The following PLCH2 variants were observed in gnomAD, a reference collection of about 807,000 sequenced individuals.
PLCH2 encodes the protein 1-phosphatidylinositol 4,5-bisphosphate phosphodiesterase eta-2.
PLCH2 carries 98 observed loss-of-function variants against 134.7 expected under a neutral mutation model. The observed-to-expected ratio is 0.73, with a 90% CI of 0.62 to 0.86. The LOEUF (loss-of-function observed/expected upper bound fraction) is 0.86. Among genes scored for constraint, PLCH2 ranks in the 40% least tolerant of loss-of-function variants. The pLI, the probability that PLCH2 is intolerant of heterozygous loss-of-function variation, is 0.00. For missense variants in PLCH2, 1,994 were observed against 1,986.6 expected, an observed-to-expected ratio of 1.00 and a Z score of -0.07; for synonymous variants, 974 against 827.5, an observed-to-expected ratio of 1.18 and a Z score of -3.04.
rs1397572777 is a variant in PLCH2 at position 2,499,065 on chromosome 1, C to T, written c.2435-19C>T. ...CGGGCCCTCCCCATGGGACACTCCT[C>T]CTGGCGCTGCTTCCCCAGGGTTCAA... is the stretch of plus-strand genomic sequence containing the variant. On this transcript the variant is annotated intron_variant, in intron 18 of 21. Coordinates refer to ENST00000378486, the MANE Select transcript of PLCH2 (RefSeq NM_014638.4). 1.9e-6 allele frequency: 3 copies of T among 1,601,190 alleles called. No homozygotes were observed. The highest frequency in any genetic ancestry group is 2.7e-5 in the African/African-American group (2 of 74,680).
intron 2 of PLCH2, among the ~76,000 whole-genome samples, chr1:2,452,502 GCC>G (rs1217126114): frequency 6.6e-6 from 1 of 152,194 alleles, no homozygotes; most frequent in South Asian, 2.1e-4. Context: ...TTTGGGAGCG[GCC>G]ACCGTGAGCA....
chr1:2,463,265 C>T (rs1012017852), upstream of PLCH2, among the ~76,000 whole-genome samples: 1 of 152,192 alleles, frequency 6.6e-6, no homozygotes, highest in Non-Finnish European at 1.5e-5. Context: ...GAGTCCCCTG[C>T]CTCAGTTTCC....
intron 2 of PLCH2, among the ~76,000 whole-genome samples, chr1:2,433,483 C>T (rs551104396): frequency 7.3e-5 from 11 of 151,338 alleles, no homozygotes; most frequent in African/African-American, 2.2e-4. Flanking sequence ...TATGTGTCCC[C>T]GCCATTCTCA....
chr1:2,451,965 A>G (rs1235190081), intron 2 of PLCH2, among the ~76,000 whole-genome samples: 1 of 152,206 alleles, frequency 6.6e-6, no homozygotes, highest in African/African-American at 2.4e-5. Flanking sequence ...CATCCTTCAG[A>G]AATGCCAACC....
intron 21 of PLCH2, chr1:2,503,694 C>A: frequency 3.1e-6 from 2 of 651,234 alleles, no homozygotes; most frequent in Non-Finnish European, 5.6e-6. Flanking sequence ...CAAGGAGGGC[C>A]CCGTGTGCGG....
intron 2 of PLCH2, chr1:2,479,512 A>C: frequency 1.9e-6 from 1 of 517,680 alleles, no homozygotes; most frequent in African/African-American, 1.9e-5. Flanking sequence ...TCTTTTCCAC[A>C]GGAAAGGGAA....
intron 11 of PLCH2, chr1:2,494,569 CAT>C (rs1211713742): frequency 8.2e-5 from 45 of 548,636 alleles, no homozygotes; most frequent in Middle Eastern, 9.8e-4. Context: ...TAAAACAACA[CAT>C]GAGAGACGCT....
In PLCH2 at chr1:2,439,500, G is replaced by A. The variant is rs374320112; in HGVS notation, c.115+8871G>A. On this transcript the variant is annotated intron_variant, in intron 2 of 3. Transcript: ENST00000609981. The surrounding 1 kb of genome is among the most constrained non-coding windows in gnomAD (Gnocchi z 4.7). ...GGACGTCTTCAGACCAGATGCTGGT[G>A]GAAAATGAAACACACACTTTCTAAA... 2.5e-4 allele frequency among the ~76,000 whole-genome samples: 38 copies of A among 152,348 alleles called. No homozygotes were observed. In the East Asian group the frequency reaches 5.6e-3, roughly 22 times the overall value.
rs573995200 is a variant in PLCH2 at position 2,454,749 on chromosome 1, G to A, written c.116-23727G>A. On this transcript the variant is annotated intron_variant, in intron 2 of 3. Coordinates refer to the PLCH2 transcript ENST00000609981. ...TTCCCTGAGAGCAGCGCCCTGGCTCGGCCCCTCGGTGTCCTGGCCCTTGCA... is the reference window on the plus strand; with the variant it reads ...TTCCCTGAGAGCAGCGCCCTGGCTCAGCCCCTCGGTGTCCTGGCCCTTGCA... Among the ~76,000 whole-genome samples, 98 of 152,296 alleles carry A rather than the reference G, an allele frequency of 6.4e-4. 1 individual carries two copies. The Middle Eastern group carries it at 0.024, about 37-fold the overall frequency.
At chr1:2,480,373 T>C in intron 4 of PLCH2, 61 bp downstream of exon 4, 9 of 1,566,144 alleles carry the variant, frequency 5.7e-6, no homozygotes, top group Non-Finnish European at 7.0e-6. Context: ...GCTGTGCTTG[T>C]GTGGCTGGGA....
chr1:2,423,089 C>T (rs1308092848), upstream of PLCH2, among the ~76,000 whole-genome samples: 1 of 152,148 alleles, frequency 6.6e-6, no homozygotes, highest in African/African-American at 2.4e-5. Flanking sequence ...TGATTTTTAC[C>T]TAAGCCTGAA....
intron 1 of PLCH2, among the ~76,000 whole-genome samples, chr1:2,478,135 T>C (rs1641739691): frequency 1.3e-5 from 2 of 152,190 alleles, no homozygotes; most frequent in African/African-American, 4.8e-5. Context: ...CCAGGGCTGC[T>C]AGGACTGGTC....
chr1:2,465,910 C>G (rs547011794), upstream of PLCH2, among the ~76,000 whole-genome samples: 4 of 152,326 alleles, frequency 2.6e-5, no homozygotes, highest in African/African-American at 7.2e-5. Context: ...CCCTCTCCCT[C>G]CTTCCCACCC....
In PLCH2 at chr1:2,489,747, C is replaced by A. The variant is rs1298004971; in HGVS notation, c.1408-13C>A. 1.2e-6 allele frequency: 2 copies of A among 1,604,708 alleles called. No individual in the cohort carries two copies. Among genetic ancestry groups the A allele is most frequent in the Non-Finnish European group, 1.7e-6 (2 of 1,171,746 alleles). ...TCTCCAGGGCCCCTCCCATCATGCA[C>A]CTCCTCCCCCAGGGGAAGAAGCTCC... On this transcript the variant is annotated splice_polypyrimidine_tract_variant and intron_variant, in intron 9 of 21. Coordinates refer to ENST00000378486, the MANE Select transcript of PLCH2 (RefSeq NM_014638.4).
chr1:2,462,417 C>T (rs982092728), intron 2 of PLCH2, among the ~76,000 whole-genome samples: 2 of 141,912 alleles, frequency 1.4e-5, no homozygotes, highest in Non-Finnish European at 3.1e-5. Flanking sequence ...CTGCCTGACA[C>T]CCCTCCACCT....
intron 2 of PLCH2, among the ~76,000 whole-genome samples, chr1:2,455,732 C>G (rs537655150): frequency 1.3e-5 from 2 of 152,244 alleles, no homozygotes; most frequent in African/African-American, 4.8e-5. Flanking sequence ...GGTGGCAAAG[C>G]GCACCTGCTG....
At chr1:2,488,490 C>T (rs1438602101) in intron 8 of PLCH2, among the ~76,000 whole-genome samples, 2 of 152,210 alleles carry the variant, frequency 1.3e-5, no homozygotes, top group African/African-American at 4.8e-5. Context: ...GGAATGAGCC[C>T]CTGCGCCCTG....
chr1:2,454,294 A>C (rs950873255), intron 2 of PLCH2, among the ~76,000 whole-genome samples: 1 of 152,010 alleles, frequency 6.6e-6, no homozygotes, highest in Non-Finnish European at 1.5e-5. Context: ...TGCCCGACTC[A>C]CCCTGACACG....
intron 2 of PLCH2, among the ~76,000 whole-genome samples, chr1:2,443,489 G>C (rs1054984711): frequency 6.6e-6 from 1 of 152,100 alleles, no homozygotes; most frequent in South Asian, 2.1e-4. Context: ...CTGGGGCCAC[G>C]GGGAGCCGGA....
Sources: gnomAD v4.1 joint callset for allele counts (sites outside exome capture counted in the v4.1 genomes callset) on GRCh38, gnomAD v4.1.1 for gene constraint, Gnocchi (gnomAD v3.1) non-coding constraint, MANE v1.5 for transcripts, NCBI Gene and HGNC (gene_info 2026-07-23, HGNC 2026-07-21) for gene names.